KLF12: variants seen among roughly 807,000 people sequenced by gnomAD.
KLF12 encodes KLF transcription factor 12, also known as Krueppel-like factor 12.
In KLF12, 9 loss-of-function variants were observed where a neutral mutation model predicts 37.8. The ratio of observed to expected loss-of-function variants is 0.24; its 90% CI spans 0.14 to 0.42. The LOEUF (loss-of-function observed/expected upper bound fraction) is 0.42. Among genes scored for constraint, KLF12 ranks in the 10% least tolerant of loss-of-function variants. The probability of loss-of-function intolerance (pLI) is 1.00; values close to 1 mark genes in which losing one functional copy is unlikely to be tolerated. For synonymous variants in KLF12, 208 were observed against 202.1 expected (o/e 1.03, Z -0.25); for missense variants, 411 against 516.0 (o/e 0.80, Z 1.97).
At chr13:73,911,877 C>A (rs543351384) in intron 3 of KLF12, among the ~76,000 whole-genome samples, 23 of 152,308 alleles carry the variant, frequency 1.5e-4, no homozygotes, top group Admixed American at 7.8e-4. Flanking sequence ...AAAACTCTGT[C>A]ATGTAGGCCA....
At chr13:73,735,015 T>C (rs1252558695) in intron 6 of KLF12, among the ~76,000 whole-genome samples, 1 of 151,086 alleles carries the variant, frequency 6.6e-6, no homozygotes, top group East Asian at 2.0e-4. Flanking sequence ...TGGCTGGGCA[T>C]AGTGACTTAC....
At chr13:73,860,313 T>C (rs1190578314) in intron 3 of KLF12, among the ~76,000 whole-genome samples, 1 of 152,218 alleles carries the variant, frequency 6.6e-6, no homozygotes, top group South Asian at 2.1e-4. Context: ...CCACCAAAGA[T>C]ATCATTTTTA....
chr13:74,058,168 T>C (rs188708317), intron 1 of KLF12, among the ~76,000 whole-genome samples: 2,012 of 151,690 alleles, frequency 0.013, 51 homozygotes, highest in African/African-American at 0.046. Context: ...GTTTTTGCCA[T>C]GTTGGCCAGG....
chr13:74,293,080 G>C, the KLF12 span, among the ~76,000 whole-genome samples: 1 of 152,314 alleles, frequency 6.6e-6, no homozygotes, highest in South Asian at 2.1e-4. Context: ...TCATACCAAA[G>C]CTGAGAATGT....
At chr13:74,165,781 C>A in the KLF12 span, among the ~76,000 whole-genome samples, 1 of 152,208 alleles carries the variant, frequency 6.6e-6, no homozygotes. Flanking sequence ...CACATGCCAC[C>A]TCTGGACCAA....
chr13:73,908,229 T>C (rs9530258), intron 3 of KLF12, among the ~76,000 whole-genome samples: 151,746 of 151,770 alleles, frequency 1, 75,861 homozygotes, highest in Middle Eastern at 1. Flanking sequence ...GGTGAAACCC[T>C]GTTTCTACTA....
chr13:74,111,452 A>G (rs1876969423), intron 1 of KLF12, among the ~76,000 whole-genome samples: 2 of 152,308 alleles, frequency 1.3e-5, no homozygotes, highest in South Asian at 4.1e-4. Flanking sequence ...AAAATTAAAT[A>G]AATCTTTAAA....
intron 1 of KLF12, among the ~76,000 whole-genome samples, chr13:74,072,476 G>A (rs9600221): frequency 0.23 from 34,067 of 145,806 alleles, 4,712 homozygotes; most frequent in Middle Eastern, 0.35. Flanking sequence ...AGTGGCTCAC[G>A]CCTATAATCC....
intron 3 of KLF12, among the ~76,000 whole-genome samples, chr13:73,865,810 T>A (rs1167653194): frequency 6.6e-6 from 1 of 152,154 alleles, no homozygotes; most frequent in Non-Finnish European, 1.5e-5. Context: ...CCTAGTCAAA[T>A]ATAGATTCCA....
the KLF12 span, among the ~76,000 whole-genome samples, chr13:74,140,864 T>C: frequency 3.3e-5 from 5 of 152,022 alleles, no homozygotes; most frequent in Admixed American, 2.0e-4. Flanking sequence ...CCATCCTGGC[T>C]AACATGGTGA....
intron 2 of KLF12, among the ~76,000 whole-genome samples, chr13:73,970,338 T>C (rs1255217966): frequency 6.6e-6 from 1 of 151,962 alleles, no homozygotes; most frequent in Non-Finnish European, 1.5e-5. Context: ...CATAAAGCAT[T>C]GTACAAGAAC....
At chr13:74,275,345 A>G in the KLF12 span, among the ~76,000 whole-genome samples, 1 of 152,228 alleles carries the variant, frequency 6.6e-6, no homozygotes, top group Non-Finnish European at 1.5e-5. Flanking sequence ...GAGGGTTTTA[A>G]GCAAATAAGT....
the KLF12 span, among the ~76,000 whole-genome samples, chr13:74,260,555 AAAATAAAATAAAATAAAAT>A: frequency 0.1 from 11,492 of 112,622 alleles, 693 homozygotes; most frequent in South Asian, 0.16. Flanking sequence ...CACTGTTTCT[AAAATAAAATAAAATAAAAT>A]AAATAAAATA....
At chr13:74,291,491 T>C in the KLF12 span, among the ~76,000 whole-genome samples, 1 of 152,168 alleles carries the variant, frequency 6.6e-6, no homozygotes, top group Non-Finnish European at 1.5e-5. Context: ...TCCTCAGAGA[T>C]ATAGACAACA....
intron 6 of KLF12, among the ~76,000 whole-genome samples, chr13:73,753,812 G>A (rs1817368981): frequency 6.6e-6 from 1 of 152,150 alleles, no homozygotes; most frequent in Middle Eastern, 3.2e-3. Context: ...GGCCCACATG[G>A]AAGCTAGGCA....
At chr13:73,924,406 T>C (rs979334838) in intron 3 of KLF12, among the ~76,000 whole-genome samples, 2 of 152,180 alleles carry the variant, frequency 1.3e-5, no homozygotes, top group African/African-American at 4.8e-5. Flanking sequence ...ATTTCAAATG[T>C]TTTCATTATT....
intron 3 of KLF12, among the ~76,000 whole-genome samples, chr13:73,859,485 TG>T (rs931460220): frequency 2.6e-5 from 4 of 152,124 alleles, no homozygotes; most frequent in African/African-American, 7.2e-5. Flanking sequence ...AATTTCCTCA[TG>T]GAATTCATGT....
intron 3 of KLF12, among the ~76,000 whole-genome samples, chr13:73,893,080 C>T (rs544659344): frequency 6.6e-6 from 1 of 151,864 alleles, no homozygotes; most frequent in African/African-American, 2.4e-5. Context: ...ATTATCAGCC[C>T]CCAAAGCAGG....
chr13:73,987,230 T>C (rs1194282938), intron 2 of KLF12, among the ~76,000 whole-genome samples: 1 of 152,102 alleles, frequency 6.6e-6, no homozygotes. Context: ...AATAAAATTC[T>C]TTAGAAAAAG....
Sources: gnomAD v4.1 joint callset for allele counts (sites outside exome capture counted in the v4.1 genomes callset) on GRCh38, gnomAD v4.1.1 for gene constraint, MANE v1.5 for transcripts, NCBI Gene and HGNC (gene_info 2026-07-23, HGNC 2026-07-21) for gene names.